SNRNP35: variants seen among roughly 807,000 people sequenced by gnomAD.
SNRNP35 encodes the protein small nuclear ribonucleoprotein U11/U12 subunit 35.
Under a neutral mutation model 24.3 loss-of-function variants are expected in SNRNP35, and 16 were observed. The observed-to-expected ratio is 0.66, with a 90% CI of 0.45 to 1.00. SNRNP35 has a LOEUF of 1.00. Ranked by LOEUF, SNRNP35 falls within the 50% of genes least tolerant of loss-of-function variation. The pLI is 0.00. For synonymous variants in SNRNP35, 106 were observed against 124.8 expected (o/e 0.85, Z 1.00); for missense variants, 292 against 327.2 (o/e 0.89, Z 0.83).
Position 123,466,632 on chromosome 12 carries a change from T to G in SNRNP35, c.*351T>G, listed in dbSNP as rs1880998393. 6.0e-6 allele frequency: 1 copy of G among 165,980 alleles called. No homozygotes were observed. 10.3% of individuals were successfully genotyped at this position (165,980 alleles called of 1,614,324 possible). A position where few individuals can be genotyped will look rare whatever the true frequency, so the allele number is the denominator to read the frequency against. On this transcript the variant is annotated 3_prime_UTR_variant, in exon 2 of 2. Transcript: ENST00000526639. Reference sequence around the variant, plus strand: ...GGTAAAATCTTGGCTCACTGTAACCTCTGCCTCCTGGGTTCAAGTGATTCT... The same window carrying G: ...GGTAAAATCTTGGCTCACTGTAACCGCTGCCTCCTGGGTTCAAGTGATTCT...
At chr12:123,459,768 CAG>C in intron 1 of SNRNP35, 2 of 1,399,062 alleles carry the variant, frequency 1.4e-6, no homozygotes, top group Non-Finnish European at 2.0e-6. Context: ...GCCTGGGTGA[CAG>C]AGTGAGACTT....
At chr12:123,461,106 C>T (rs1205142305) in intron 1 of SNRNP35, among the ~76,000 whole-genome samples, 5 of 151,236 alleles carry the variant, frequency 3.3e-5, no homozygotes, top group South Asian at 2.1e-4. Context: ...TGAGCCACCA[C>T]GCCCAGCCTC....
intron 1 of SNRNP35, among the ~76,000 whole-genome samples, chr12:123,461,005 CAT>C (rs1221531028): frequency 7.0e-6 from 1 of 143,522 alleles, no homozygotes; most frequent in Non-Finnish European, 1.5e-5. Context: ...AGGGTCTCAC[CAT>C]GTTTCCCATG....
At chr12:123,460,680 G>A (rs935388527) in intron 1 of SNRNP35, among the ~76,000 whole-genome samples, 2 of 151,508 alleles carry the variant, frequency 1.3e-5, no homozygotes, top group African/African-American at 4.8e-5. Flanking sequence ...GCTAGGGTGG[G>A]AGAGGCTGCA....
rs369824304 is a variant in SNRNP35, at chr12:123,463,527, G to A, written c.-3-2011G>A. 2.2e-4 allele frequency among the ~76,000 whole-genome samples: 33 copies of A among 149,596 alleles called. No individual in the cohort carries two copies. The East Asian group carries it at 5.5e-3, about 25-fold the overall frequency. ...CGAGTAGCTGCGACTACAGGCGTGT[G>A]CAACTGTGCCCAGCTGATTTTTGTA... On this transcript the variant is annotated intron_variant, in intron 1 of 1. Transcript: ENST00000526639.
Position 123,465,406 on chromosome 12 carries a change from T to C in SNRNP35, c.-3-132T>C. ...TTACTAGCAGGGAGGACTTAGCCTC[T>C]GTGGGTGTTCCCTTCCTTTCCTGTT... is the stretch of plus-strand genomic sequence containing the variant. On this transcript the variant is annotated intron_variant, in intron 1 of 1. Transcript: ENST00000526639. The surrounding 1 kb of genome is among the most constrained non-coding windows in gnomAD (Gnocchi z 4.2). 1 of 1,115,506 alleles carries C rather than the reference T, an allele frequency of 9.0e-7. No individual in the cohort carries two copies. Among genetic ancestry groups the C allele is most frequent in the Non-Finnish European group, 1.2e-6 (1 of 819,710 alleles). 69.1% of individuals were successfully genotyped at this position (1,115,506 alleles called of 1,614,324 possible). A position where few individuals can be genotyped will look rare whatever the true frequency, so the allele number is the denominator to read the frequency against.
chr12:123,462,215 G>T (rs1880672026), intron 1 of SNRNP35, among the ~76,000 whole-genome samples: 1 of 152,132 alleles, frequency 6.6e-6, no homozygotes, highest in Admixed American at 6.6e-5. Flanking sequence ...GGACTTGACA[G>T]GCCCAGTAGA....
chr12:123,459,429 G>C (rs1385128722), intron 1 of SNRNP35: 1 of 151,832 alleles, frequency 6.6e-6, no homozygotes, highest in South Asian at 2.1e-4. Flanking sequence ...TGGGATTACA[G>C]GCATGAGCCA....
downstream of SNRNP35, among the ~76,000 whole-genome samples, chr12:123,469,247 C>T (rs142910021): frequency 0.025 from 3,718 of 151,634 alleles, 112 homozygotes; most frequent in African/African-American, 0.081. Flanking sequence ...CTCTGCCTCC[C>T]GGGTTCAAGC....
At chr12:123,460,786 G>A (rs995747510) in intron 1 of SNRNP35, among the ~76,000 whole-genome samples, 2 of 151,702 alleles carry the variant, frequency 1.3e-5, no homozygotes, top group East Asian at 1.9e-4. Flanking sequence ...TCAGCCTTCT[G>A]TAGCTGGGAT....
intron 1 of SNRNP35, among the ~76,000 whole-genome samples, chr12:123,460,602 C>CAAAAAAAAAAAAAA (rs35255989): frequency 1.3e-5 from 1 of 78,694 alleles, no homozygotes; most frequent in Non-Finnish European, 2.2e-5. Context: ...CCCATCTCTA[C>CAAAAAAAAAAAAAA]AAAAAAAAAA....
At chr12:123,468,097 G>A (rs1189167828), downstream of SNRNP35, among the ~76,000 whole-genome samples, 1 of 151,858 alleles carries the variant, frequency 6.6e-6, no homozygotes, top group South Asian at 2.1e-4. Flanking sequence ...CGGTGCTCAC[G>A]GCTGTGATCC....
At chr12:123,463,930 A>ATTT (rs35927970) in intron 1 of SNRNP35, among the ~76,000 whole-genome samples, 1 of 110,520 alleles carries the variant, frequency 9.0e-6, no homozygotes, top group Non-Finnish European at 1.8e-5. Context: ...CGCCTGGCTA[A>ATTT]TTTTTTTTTT....
In SNRNP35 at chr12:123,465,080, A is replaced by G. The variant is rs79739600; in HGVS notation, c.-3-458A>G. Among the ~76,000 whole-genome samples, 12,838 of 152,170 alleles carry G rather than the reference A, an allele frequency of 0.084. 703 individuals carry two copies. Among genetic ancestry groups the G allele is most frequent in the Non-Finnish European group, 0.13 (8,514 of 67,980 alleles). On this transcript the variant is annotated intron_variant, in intron 1 of 1. Transcript: ENST00000526639. This position sits in a 1 kb window ranked among gnomAD's most constrained non-coding sequence, Gnocchi z 4.2. ...GTGGAGGGTTATTATATGATTCTCT[A>G]TGTTGGTATTTGATATTCTTGGTAG...
Position 123,466,215 on chromosome 12 carries a change from G to A in SNRNP35, c.675G>A (p.Trp225Ter). ...CCAGGGTGTGGCCCGACAATGACTG[G>A]GAGAGAGAGAGGGACTTCAGAGATG... ...EPTRVWPDND[W>*]ERERDFRDDR... Residue 225 changes from tryptophan (W) to a stop codon, truncating the protein, a stop_gained, in exon 2 of 2, where the codon TGG becomes TGA. Coordinates refer to ENST00000526639, the MANE Select transcript of SNRNP35 (RefSeq NM_022717.4). LOFTEE classifies it high-confidence loss of function. 1 of 1,565,610 alleles carries A rather than the reference G, an allele frequency of 6.4e-7. No homozygotes were observed. The highest frequency in any genetic ancestry group is 8.6e-7 in the Non-Finnish European group (1 of 1,160,100).
chr12:123,468,096 C>T (rs146984263), downstream of SNRNP35, among the ~76,000 whole-genome samples: 13 of 152,208 alleles, frequency 8.5e-5, no homozygotes, highest in Admixed American at 2.0e-4. Context: ...ACGGTGCTCA[C>T]GGCTGTGATC....
At chr12:123,460,956 C>CTTT (rs35246652) in intron 1 of SNRNP35, among the ~76,000 whole-genome samples, 7 of 122,776 alleles carry the variant, frequency 5.7e-5, no homozygotes, top group African/African-American at 2.4e-4. Context: ...TGCGCCTGGC[C>CTTT]TTTTTTTTTT....
In SNRNP35 at chr12:123,466,055, A is replaced by T. The variant is rs754112714; in HGVS notation, c.515A>T (p.Lys172Ile). The T allele has an allele frequency of 6.2e-7, 1 of 1,614,140 alleles. No individual in the cohort carries two copies. The highest frequency in any genetic ancestry group is 1.1e-5 in the South Asian group (1 of 91,082). ...FRKPINLPVV[K>I]NDLYREGKRE... ...AAACCTATTAACTTGCCAGTTGTTA[A>T]AAACGACCTCTATAGAGAGGGAAAA... Residue 172 changes from lysine to isoleucine, a missense_variant, in exon 2 of 2, where the codon AAA becomes ATA. Physicochemically the swap from Lys to Ile is moderately radical, Grantham distance 102 (BLOSUM62 -3). Transcript: ENST00000526639.
At chr12:123,468,846 CTT>C (rs1278060635), downstream of SNRNP35, among the ~76,000 whole-genome samples, 1 of 152,216 alleles carries the variant, frequency 6.6e-6, no homozygotes, top group African/African-American at 2.4e-5. Flanking sequence ...AGCAAATACT[CTT>C]TGATCTAGCA....
Sources: allele counts gnomAD v4.1 joint callset (sites outside exome capture counted in the v4.1 genomes callset), GRCh38; gene constraint gnomAD v4.1.1; non-coding constraint Gnocchi (gnomAD v3.1); transcripts MANE v1.5; gene names NCBI Gene and HGNC (gene_info 2026-07-23, HGNC 2026-07-21).